The following EPS15L1 variants were observed in gnomAD, a reference collection of about 807,000 sequenced individuals.
EPS15L1 encodes epidermal growth factor receptor pathway substrate 15 like 1, also known as epidermal growth factor receptor substrate 15-like 1.
A neutral mutation model predicts 117.1 loss-of-function variants in EPS15L1; 43 were observed. The ratio of observed to expected loss-of-function variants is 0.37; its 90% confidence interval spans 0.29 to 0.47. EPS15L1 has a LOEUF of 0.47. Ranked by LOEUF, EPS15L1 falls within the 20% of genes least tolerant of loss-of-function variation. The probability of loss-of-function intolerance (pLI) is 0.99; values close to 1 mark genes in which losing one functional copy is unlikely to be tolerated. For missense variants in EPS15L1, 981 were observed against 1,164.0 expected (o/e 0.84, Z 2.29); for synonymous variants, 459 against 470.5 (o/e 0.98, Z 0.32).
chr19:16,393,845 A>G (rs2092510533), intron 18 of EPS15L1, 106 bp downstream of exon 18: 1 of 1,144,868 alleles, frequency 8.7e-7, no homozygotes, highest in East Asian at 2.4e-5. Flanking sequence ...TCCCAGTTAC[A>G]TGGCTGCCAT....
At chr19:16,439,413 C>G (rs1419369713) in intron 4 of EPS15L1, among the ~76,000 whole-genome samples, 1 of 151,998 alleles carries the variant, frequency 6.6e-6, no homozygotes, top group Non-Finnish European at 1.5e-5. Flanking sequence ...GACATGAGGC[C>G]GGGCACGGTG....
chr19:16,437,928 T>G, intron 4 of EPS15L1, 63 bp from the exon 5 acceptor site: 1 of 1,260,762 alleles, frequency 7.9e-7, no homozygotes, highest in Non-Finnish European at 1.1e-6. Context: ...GGGGGAGCTG[T>G]CTCTAACAGC....
intron 16 of EPS15L1, among the ~76,000 whole-genome samples, chr19:16,397,649 T>C (rs1261598257): frequency 3.9e-5 from 6 of 152,138 alleles, no homozygotes; most frequent in African/African-American, 7.2e-5. Flanking sequence ...TGAGTACTTA[T>C]GCAGTTAGAA....
Position 16,404,537 on chromosome 19 carries a change from G to A in EPS15L1, c.1428+51C>T. 1.9e-6 allele frequency: 3 copies of A among 1,602,156 alleles called. No individual in the cohort carries two copies. The highest frequency in any genetic ancestry group is 2.6e-6 in the Non-Finnish European group (3 of 1,172,336). On this transcript the variant is annotated intron_variant, in intron 14 of 23. Coordinates refer to ENST00000455140, the MANE Select transcript of EPS15L1 (RefSeq NM_001258374.3). The surrounding 1 kb of genome is among the most constrained non-coding windows in gnomAD (Gnocchi z 4.2). Reference sequence around the variant, plus strand: ...AACACGAGCTCAGGGGAGTCCTTGGGAAGCCCCTGCCTGTGCATAGGGCGC... The same window carrying A: ...AACACGAGCTCAGGGGAGTCCTTGGAAAGCCCCTGCCTGTGCATAGGGCGC...
At chr19:16,446,944 T>C (rs1002145012) in intron 1 of EPS15L1, among the ~76,000 whole-genome samples, 2 of 152,206 alleles carry the variant, frequency 1.3e-5, no homozygotes, top group Admixed American at 6.5e-5. Context: ...AAGTTAGGCA[T>C]ATAACACTGA....
intron 5 of EPS15L1, 40 bp downstream of exon 5, chr19:16,437,730 G>A (rs1198602011): frequency 3.6e-6 from 5 of 1,395,506 alleles, no homozygotes; most frequent in Non-Finnish European, 5.1e-6. Flanking sequence ...CACACATCTG[G>A]TATTAGAAGA....
intron 21 of EPS15L1, among the ~76,000 whole-genome samples, chr19:16,379,616 T>C (rs2092337564): frequency 6.6e-6 from 1 of 152,082 alleles, no homozygotes; most frequent in African/African-American, 2.4e-5. Flanking sequence ...GGCTCCAGCG[T>C]CTAGTCACAC....
At chr19:16,469,931 G>A (rs1451816651) in intron 1 of EPS15L1, among the ~76,000 whole-genome samples, 1 of 152,200 alleles carries the variant, frequency 6.6e-6, no homozygotes, top group East Asian at 1.9e-4. Context: ...TAAGGGCCTG[G>A]GAGGGCCATG....
chr19:16,435,829 T>A (rs1454385362), intron 6 of EPS15L1, among the ~76,000 whole-genome samples: 1 of 152,132 alleles, frequency 6.6e-6, no homozygotes, highest in African/African-American at 2.4e-5. Flanking sequence ...AATTACAGCA[T>A]CTGGTCCTGT....
chr19:16,361,940 C>T lies in EPS15L1; in HGVS notation c.2425G>A (p.Glu809Lys), dbSNP rs144312610. The change falls in exon 23 of 24, where the codon GAG (glutamate) becomes AAG (lysine). Residue 809 changes from glutamate to lysine, a missense_variant. Coordinates refer to ENST00000455140, the MANE Select transcript of EPS15L1 (RefSeq NM_001258374.3). ...VSQLGSADFP[E>K]APDPFQPLGA... ...AGTGGCTGGAATGGATCGGGGGCCT[C>T]GGGAAAGTCTGCGGAACCAAGCTGG... 6.7e-4 allele frequency: 1,078 copies of T among 1,613,290 alleles called. No homozygotes were observed. Among genetic ancestry groups the T allele is most frequent in the Non-Finnish European group, 8.5e-4 (1,002 of 1,179,728 alleles).
intron 1 of EPS15L1, among the ~76,000 whole-genome samples, chr19:16,464,902 A>T (rs2093288234): frequency 6.6e-6 from 1 of 152,036 alleles, no homozygotes; most frequent in Non-Finnish European, 1.5e-5. Context: ...AACCAGTGAA[A>T]CCCCGTCTCT....
intron 22 of EPS15L1, among the ~76,000 whole-genome samples, chr19:16,364,353 C>T (rs897368525): frequency 1.3e-5 from 2 of 152,214 alleles, no homozygotes; most frequent in Non-Finnish European, 1.5e-5. Flanking sequence ...GGCCCCTCTC[C>T]TTCCGACAGC....
intron 22 of EPS15L1, 95 bp from the exon 23 acceptor site, chr19:16,362,079 G>A (rs758229065): frequency 7.8e-7 from 1 of 1,285,682 alleles, no homozygotes; most frequent in Non-Finnish European, 1.0e-6. Flanking sequence ...AGCCCGGGGC[G>A]CTTCTCTGAG....
rs2093348663 is a variant in EPS15L1 at position 16,471,808 on chromosome 19, G to A, written c.33+105C>T. 3 of 235,502 alleles carry A rather than the reference G, an allele frequency of 1.3e-5. No individual in the cohort carries two copies. The East Asian group carries it at 3.4e-4, about 27-fold the overall frequency. The allele number at this position is 235,502 out of a possible 1,614,324, so 14.6% of individuals were successfully genotyped here. ...CGCCGCAAGCCCTTCAGCACGCGCCGCCCCCGCCGCCGCCTGGCTGAGTCT... is the reference window on the plus strand; with the variant it reads ...CGCCGCAAGCCCTTCAGCACGCGCCACCCCCGCCGCCGCCTGGCTGAGTCT... On this transcript the variant is annotated intron_variant, in intron 1 of 23. Transcript: ENST00000455140. This position sits in a 1 kb window ranked among gnomAD's most constrained non-coding sequence, Gnocchi z 4.8.
chr19:16,361,522 ATAGG>A, intron 23 of EPS15L1: 1 of 1,134,536 alleles, frequency 8.8e-7, no homozygotes, highest in South Asian at 2.7e-5. Context: ...TGAAGGACAG[ATAGG>A]TCCCGCCTCC....
chr19:16,356,206 TA>T (rs939380789), intron 23 of EPS15L1: 5 of 321,148 alleles, frequency 1.6e-5, no homozygotes, highest in African/African-American at 1.0e-4. Flanking sequence ...TGCATGGCTC[TA>T]AAGCCCCACG....
At chr19:16,434,534 G>T in intron 6 of EPS15L1, 44 bp from the exon 7 acceptor site, 1 of 1,594,432 alleles carries the variant, frequency 6.3e-7, no homozygotes. Flanking sequence ...GAGCACACCT[G>T]TGTGAATGTC....
At chr19:16,414,247 C>T (rs189274426) in intron 12 of EPS15L1, among the ~76,000 whole-genome samples, 300 of 152,164 alleles carry the variant, frequency 2.0e-3, no homozygotes, top group Middle Eastern at 6.8e-3. Flanking sequence ...AAAGAGACCT[C>T]GGACCCCCAG....
At chr19:16,415,259 C>T (rs1451936138) in intron 12 of EPS15L1, among the ~76,000 whole-genome samples, 1 of 152,216 alleles carries the variant, frequency 6.6e-6, no homozygotes, top group East Asian at 1.9e-4. Context: ...CTGCCGGTAT[C>T]TGGAGGTTGG....
Sources: gnomAD v4.1 joint callset for allele counts (sites outside exome capture counted in the v4.1 genomes callset) on GRCh38, gnomAD v4.1.1 for gene constraint, Gnocchi (gnomAD v3.1) non-coding constraint, MANE v1.5 for transcripts, NCBI Gene and HGNC (gene_info 2026-07-23, HGNC 2026-07-21) for gene names.